LYZL1: variants seen among roughly 807,000 people sequenced by gnomAD.
The protein encoded by LYZL1 is lysozyme-like protein 1.
In LYZL1, 16 loss-of-function variants were observed where a neutral mutation model predicts 17.9. The ratio of observed to expected loss-of-function variants is 0.90; its 90% CI spans 0.61 to 1.36. The LOEUF (loss-of-function observed/expected upper bound fraction) is 1.36. Ranked by LOEUF, LYZL1 falls within the 40% of genes most tolerant of loss-of-function variation. The probability of loss-of-function intolerance (pLI) is 0.00; values close to 1 mark genes in which losing one functional copy is unlikely to be tolerated. For synonymous variants in LYZL1, 58 were observed against 71.8 expected (o/e 0.81, Z 0.97); for missense variants, 149 against 188.4 (o/e 0.79, Z 1.22).
intron 2 of LYZL1, among the ~76,000 whole-genome samples, chr10:29,292,280 G>T (rs1342547083): frequency 2.0e-5 from 3 of 151,122 alleles, no homozygotes; most frequent in Non-Finnish European, 4.4e-5. Context: ...GGAGTGGGGG[G>T]ACCTGACTGT....
chr10:29,304,455 T>C (rs1283397608), intron 3 of LYZL1, among the ~76,000 whole-genome samples: 1 of 152,132 alleles, frequency 6.6e-6, no homozygotes, highest in African/African-American at 2.4e-5. Flanking sequence ...TAGATTTCAC[T>C]TGGGAGGCAG....
At chr10:29,301,336 G>A (rs1835515782) in intron 3 of LYZL1, among the ~76,000 whole-genome samples, 1 of 152,034 alleles carries the variant, frequency 6.6e-6, no homozygotes, top group African/African-American at 2.4e-5. Context: ...TTTGTAAATT[G>A]GCCAGTCTCA....
chr10:29,304,574 A>G (rs117694867), intron 3 of LYZL1, among the ~76,000 whole-genome samples: 3,158 of 152,320 alleles, frequency 0.021, 46 homozygotes, highest in Admixed American at 0.033. Flanking sequence ...TGGATGTGGA[A>G]GAATAAACGA....
chr10:29,292,457 G>A lies in LYZL1; in HGVS notation c.140-62G>A, dbSNP rs1463155264. 7 of 1,587,200 alleles carry A rather than the reference G, an allele frequency of 4.4e-6. No individual in the cohort carries two copies. The African/African-American group carries it at 9.4e-5, about 21-fold the overall frequency. The stretch of plus-strand genomic sequence containing the variant: ...ACAAGGATAAGGAAACTCGCCCTCA[G>A]ACCAAGCTTAGAGCAAAAGATGCAC... On this transcript the variant is annotated intron_variant, in intron 2 of 4. Coordinates refer to ENST00000649382, the MANE Select transcript of LYZL1 (RefSeq NM_032517.6).
At chr10:29,296,192 A>G (rs925341854) in intron 3 of LYZL1, among the ~76,000 whole-genome samples, 5 of 152,212 alleles carry the variant, frequency 3.3e-5, no homozygotes, top group Admixed American at 3.3e-4. Flanking sequence ...ATAAGATAAA[A>G]AGATAAATCC....
intron 3 of LYZL1, among the ~76,000 whole-genome samples, chr10:29,295,780 GACTTCA>G (rs1245319402): frequency 1.3e-5 from 2 of 152,164 alleles, no homozygotes; most frequent in African/African-American, 2.4e-5. Context: ...GTGTGAGAGG[GACTTCA>G]CCCATCATTG....
chr10:29,306,064 AG>A (rs1167316986), intron 3 of LYZL1, among the ~76,000 whole-genome samples: 1 of 152,232 alleles, frequency 6.6e-6, no homozygotes, highest in Admixed American at 6.5e-5. Context: ...AAGACTTAAG[AG>A]CATTGGTGAT....
intron 3 of LYZL1, among the ~76,000 whole-genome samples, chr10:29,297,098 A>G (rs1038992738): frequency 6.6e-5 from 10 of 151,910 alleles, no homozygotes; most frequent in East Asian, 1.9e-4. Context: ...AAAAAAAAAA[A>G]AGAGAGAAAA....
chr10:29,311,420 G>A (rs1835671170), downstream of LYZL1, among the ~76,000 whole-genome samples: 1 of 152,048 alleles, frequency 6.6e-6, no homozygotes, highest in African/African-American at 2.4e-5. Flanking sequence ...CTCAGAAACA[G>A]GACACATGCA....
downstream of LYZL1, among the ~76,000 whole-genome samples, chr10:29,314,388 G>C (rs1276902128): frequency 1.3e-5 from 2 of 152,162 alleles, no homozygotes; most frequent in Non-Finnish European, 2.9e-5. Context: ...AGCACTGCAG[G>C]AGGCCAAGAC....
At chr10:29,313,372 A>G (rs189627028), downstream of LYZL1, among the ~76,000 whole-genome samples, 2 of 152,340 alleles carry the variant, frequency 1.3e-5, no homozygotes, top group East Asian at 3.9e-4. Flanking sequence ...TTGCAGCCCC[A>G]TTCTTAGCCA....
exon 5 of LYZL1, chr10:29,318,243 A>G (rs1372326638): frequency 3.1e-6 from 3 of 960,130 alleles, no homozygotes; most frequent in Middle Eastern, 5.3e-4. Flanking sequence ...CAGTGGCAAC[A>G]TAATTCTTGG....
downstream of LYZL1, chr10:29,311,316 A>C (rs1472183132): frequency 3.4e-6 from 4 of 1,185,956 alleles, no homozygotes; most frequent in African/African-American, 4.7e-5. Flanking sequence ...TGGAAAAAAC[A>C]AAGCTCCCTT....
chr10:29,310,930 C>T lies in LYZL1; in HGVS notation c.378-60C>T, dbSNP rs551269764. ...TGGTTAATTTCTGTAGGCTTTGAAA[C>T]TAAGACGGTTTGGATTGTCACGCTT... On this transcript the variant is annotated intron_variant, in intron 4 of 4. Coordinates refer to ENST00000649382, the MANE Select transcript of LYZL1 (RefSeq NM_032517.6). 3.1e-6 allele frequency: 5 copies of T among 1,613,714 alleles called. No homozygotes were observed. The East Asian group carries it at 6.7e-5, about 22-fold the overall frequency.
chr10:29,292,823 G>T lies in LYZL1; in HGVS notation c.298+146G>T, dbSNP rs1422116598. The T allele has an allele frequency of 2.5e-5, 31 of 1,242,402 alleles. No homozygotes were observed. The East Asian group carries it at 7.6e-4, about 30-fold the overall frequency. 77.0% of individuals were successfully genotyped at this position (1,242,402 alleles called of 1,614,324 possible). Reference sequence around the variant, plus strand: ...TTCCAGATTGGTAAATTATGCAACAGTTTCCAAGGTGACACTCAGGATCCT... The same window carrying T: ...TTCCAGATTGGTAAATTATGCAACATTTTCCAAGGTGACACTCAGGATCCT... On this transcript the variant is annotated intron_variant, in intron 3 of 4. Transcript: ENST00000649382.
intron 2 of LYZL1, 123 bp downstream of exon 2, chr10:29,292,129 G>A: frequency 7.4e-7 from 1 of 1,350,286 alleles, no homozygotes; most frequent in Non-Finnish European, 1.0e-6. Context: ...ACCGCACTCA[G>A]GGGTGGCTGC....
chr10:29,296,668 C>T (rs1296066599), intron 3 of LYZL1, among the ~76,000 whole-genome samples: 1 of 152,204 alleles, frequency 6.6e-6, no homozygotes, highest in Non-Finnish European at 1.5e-5. Flanking sequence ...CATCTCCACT[C>T]AGACCCCACA....
At chr10:29,301,737 G>A (rs529929487) in intron 3 of LYZL1, among the ~76,000 whole-genome samples, 21 of 152,160 alleles carry the variant, frequency 1.4e-4, no homozygotes, top group African/African-American at 4.3e-4. Context: ...AAACATTTCA[G>A]TCATTCTTTC....
chr10:29,293,219 A>T (rs1274233653), intron 3 of LYZL1, among the ~76,000 whole-genome samples: 1 of 130,172 alleles, frequency 7.7e-6, no homozygotes, highest in African/African-American at 2.9e-5. Context: ...TGCAGTCTTG[A>T]CCTCCAGGCC....
Sources: gnomAD v4.1 joint callset for allele counts (sites outside exome capture counted in the v4.1 genomes callset) on GRCh38, gnomAD v4.1.1 for gene constraint, MANE v1.5 for transcripts, NCBI Gene and HGNC (gene_info 2026-07-23, HGNC 2026-07-21) for gene names.